The following DTNB variants were observed in gnomAD, a reference collection of about 807,000 sequenced individuals.
DTNB encodes dystrobrevin beta, also known as DTN-B.
Under a neutral mutation model 90.7 loss-of-function variants are expected in DTNB, and 63 were observed. The observed-to-expected ratio is 0.69, with a 90% CI of 0.57 to 0.86. The LOEUF is 0.86. Ranked by LOEUF, DTNB falls within the 40% of genes least tolerant of loss-of-function variation. The pLI, the probability that DTNB is intolerant of heterozygous loss-of-function variation, is 0.00. For missense variants in DTNB, 744 were observed against 807.1 expected, an observed-to-expected ratio of 0.92 and a Z score of 0.95; for synonymous variants, 277 against 286.7, an observed-to-expected ratio of 0.97 and a Z score of 0.34.
chr2:25,402,178 C>T (rs570865119), intron 16 of DTNB, among the ~76,000 whole-genome samples: 3 of 152,250 alleles, frequency 2.0e-5, no homozygotes, highest in South Asian at 2.1e-4. Flanking sequence ...GGACGTGAAA[C>T]GAGGGAGAGG....
chr2:25,385,205 G>A (rs571228088), intron 18 of DTNB, among the ~76,000 whole-genome samples: 82 of 152,158 alleles, frequency 5.4e-4, no homozygotes, highest in African/African-American at 1.9e-3. Context: ...TCTAGGATTC[G>A]ATTATCTGTG....
At chr2:25,557,650 G>GA (rs1239640365) in intron 8 of DTNB, among the ~76,000 whole-genome samples, 1 of 152,202 alleles carries the variant, frequency 6.6e-6, no homozygotes, top group Non-Finnish European at 1.5e-5. Context: ...TCCCAAGGGT[G>GA]AAGGCCTGGG....
intron 8 of DTNB, among the ~76,000 whole-genome samples, chr2:25,560,907 T>C (rs1328627717): frequency 2.0e-5 from 3 of 152,176 alleles, no homozygotes; most frequent in Non-Finnish European, 2.9e-5. Flanking sequence ...AGGAAGCTAA[T>C]ATATCTGTTA....
intron 8 of DTNB, among the ~76,000 whole-genome samples, chr2:25,539,398 T>C (rs2080625725): frequency 6.6e-6 from 1 of 152,236 alleles, no homozygotes; most frequent in Non-Finnish European, 1.5e-5. Context: ...CCAACTGTTA[T>C]TGCCAGACAT....
chr2:25,655,170 G>A (rs1013614017), intron 1 of DTNB, among the ~76,000 whole-genome samples: 5 of 152,200 alleles, frequency 3.3e-5, no homozygotes, highest in African/African-American at 1.2e-4. Context: ...TGTGAAAGCA[G>A]GCAAATTACA....
At chr2:25,426,097 A>G (rs2051497520) in intron 15 of DTNB, among the ~76,000 whole-genome samples, 2 of 152,216 alleles carry the variant, frequency 1.3e-5, no homozygotes, top group Non-Finnish European at 1.5e-5. Flanking sequence ...CTAATATGCT[A>G]TCTTACTCTT....
chr2:25,487,169 T>C (rs181255203), intron 9 of DTNB, among the ~76,000 whole-genome samples: 309 of 152,304 alleles, frequency 2.0e-3, no homozygotes, highest in Non-Finnish European at 3.6e-3. Context: ...CCTAACTGTA[T>C]ATAGATGGAG....
At chr2:25,444,376 C>A (rs1199368373) in intron 12 of DTNB, among the ~76,000 whole-genome samples, 1 of 151,542 alleles carries the variant, frequency 6.6e-6, no homozygotes, top group Admixed American at 6.6e-5. Context: ...TAAAAACATA[C>A]AAAAAATTAG....
chr2:25,562,768 A>G (rs1430193121), intron 8 of DTNB, among the ~76,000 whole-genome samples: 4 of 151,510 alleles, frequency 2.6e-5, no homozygotes, highest in East Asian at 3.9e-4. Context: ...TTTTCCCCCA[A>G]TTTACTTTTT....
intron 12 of DTNB, among the ~76,000 whole-genome samples, chr2:25,448,740 G>C (rs2058797517): frequency 1.3e-5 from 2 of 151,552 alleles, no homozygotes; most frequent in African/African-American, 4.9e-5. Context: ...TGTAGTCCCA[G>C]CTACTCAGGA....
intron 1 of DTNB, 65 bp from the exon 2 acceptor site, chr2:25,652,726 T>C: frequency 6.5e-7 from 1 of 1,544,738 alleles, no homozygotes; most frequent in Non-Finnish European, 8.7e-7. Context: ...GTGCTAATCA[T>C]TCTATTGTGA....
chr2:25,466,586 C>T (rs537896313), intron 10 of DTNB, among the ~76,000 whole-genome samples: 51 of 152,286 alleles, frequency 3.3e-4, no homozygotes, highest in African/African-American at 8.9e-4. Flanking sequence ...GCGAGTGCTG[C>T]GCTGAGGTGG....
intron 9 of DTNB, among the ~76,000 whole-genome samples, chr2:25,495,229 T>A (rs2068555268): frequency 6.6e-6 from 1 of 152,088 alleles, no homozygotes; most frequent in Non-Finnish European, 1.5e-5. Flanking sequence ...CCACACCAGC[T>A]AATTTCTGTA....
At chr2:25,422,395 C>CT (rs146697158) in intron 15 of DTNB, among the ~76,000 whole-genome samples, 1,288 of 82,968 alleles carry the variant, frequency 0.016, 145 homozygotes, top group Middle Eastern at 0.019. Flanking sequence ...CTTTTCTCTT[C>CT]TTTTTTTTTT....
intron 16 of DTNB, among the ~76,000 whole-genome samples, chr2:25,411,752 A>G (rs1283832019): frequency 2.6e-5 from 4 of 152,212 alleles, no homozygotes; most frequent in East Asian, 1.9e-4. Flanking sequence ...TAACTTTCAG[A>G]CTATTTGATG....
At chr2:25,673,287 G>C (rs952611082) in intron 1 of DTNB, 99 bp downstream of exon 1, 1 of 151,580 alleles carries the variant, frequency 6.6e-6, no homozygotes, top group Non-Finnish European at 1.5e-5. Context: ...CGGGTCCCCA[G>C]TCCCGGCGCA....
chr2:25,387,094 C>T lies in DTNB; in HGVS notation c.1825+195G>A, dbSNP rs1452870615. 17 of 546,226 alleles carry T rather than the reference C, an allele frequency of 3.1e-5. No homozygotes were observed. The highest frequency in any genetic ancestry group is 2.1e-4 in the South Asian group (8 of 38,860). The allele number at this position is 546,226 out of a possible 1,614,324, so 33.8% of individuals were successfully genotyped here. ...CCTGAGATAGGCCTGAATGTGAAAC[C>T]GCCCCTACGCGATCCTGTGTGACAG... On this transcript the variant is annotated intron_variant, in intron 18 of 20. Transcript: ENST00000406818. The surrounding 1 kb of genome is among the most constrained non-coding windows in gnomAD (Gnocchi z 4.5).
chr2:25,592,839 G>C (rs1008638443), intron 6 of DTNB, among the ~76,000 whole-genome samples: 1 of 152,176 alleles, frequency 6.6e-6, no homozygotes, highest in African/African-American at 2.4e-5. Context: ...GAGGACAAAC[G>C]AAATAATCAG....
chr2:25,380,849 C>A (rs1487685112), intron 19 of DTNB, among the ~76,000 whole-genome samples: 2 of 151,664 alleles, frequency 1.3e-5, no homozygotes, highest in African/African-American at 4.8e-5. Context: ...GAGGCCCGGG[C>A]AAGGGAAACC....
Sources: gnomAD v4.1 joint callset for allele counts (sites outside exome capture counted in the v4.1 genomes callset) on GRCh38, gnomAD v4.1.1 for gene constraint, Gnocchi (gnomAD v3.1) non-coding constraint, MANE v1.5 for transcripts, NCBI Gene and HGNC (gene_info 2026-07-23, HGNC 2026-07-21) for gene names.